The following PARD3 variants were observed in gnomAD, a reference collection of about 807,000 sequenced individuals.
The protein encoded by PARD3 is partitioning defective 3 homolog.
PARD3 carries 75 observed loss-of-function variants against 155.4 expected under a neutral mutation model. The observed-to-expected ratio is 0.48, with a 90% CI of 0.40 to 0.58. The LOEUF is 0.58. PARD3 is among the 20% of genes least tolerant of loss of function. The pLI, the probability that PARD3 is intolerant of heterozygous loss-of-function variation, is 0.00. For synonymous variants in PARD3, 576 were observed against 610.5 expected (o/e 0.94, Z 0.83); for missense variants, 1,642 against 1,721.7 (o/e 0.95, Z 0.82).
intron 22 of PARD3, among the ~76,000 whole-genome samples, chr10:34,231,266 CAAAAAA>C (rs57175956): frequency 0.027 from 2,201 of 81,878 alleles, 78 homozygotes; most frequent in African/African-American, 0.095. Flanking sequence ...TAATCTTAGG[CAAAAAA>C]AAAAAAAAAA....
chr10:34,578,987 A>G (rs2087142442), intron 2 of PARD3, among the ~76,000 whole-genome samples: 1 of 152,228 alleles, frequency 6.6e-6, no homozygotes, highest in Non-Finnish European at 1.5e-5. Context: ...AGAGAAAATT[A>G]TAAGGCTGCG....
At chr10:34,635,710 G>A (rs1331295811) in intron 2 of PARD3, among the ~76,000 whole-genome samples, 1 of 152,190 alleles carries the variant, frequency 6.6e-6, no homozygotes, top group Non-Finnish European at 1.5e-5. Flanking sequence ...AATCTTAAAG[G>A]ATGATGTAGG....
At chr10:34,341,046 C>T (rs1836762169) in intron 16 of PARD3, among the ~76,000 whole-genome samples, 1 of 152,050 alleles carries the variant, frequency 6.6e-6, no homozygotes, top group Admixed American at 6.5e-5. Flanking sequence ...CTTCATGAGC[C>T]ACACATTGGC....
intron 3 of PARD3, among the ~76,000 whole-genome samples, chr10:34,502,048 C>T: frequency 6.6e-6 from 1 of 152,152 alleles, no homozygotes; most frequent in East Asian, 1.9e-4. Context: ...GAAGGCAAGC[C>T]TTCACTAGAC....
At chr10:34,371,744 T>C (rs1398362922) in intron 12 of PARD3, among the ~76,000 whole-genome samples, 2 of 152,066 alleles carry the variant, frequency 1.3e-5, no homozygotes, top group Admixed American at 6.6e-5. Context: ...TGAGAATGAA[T>C]GTTTTTGTGC....
rs532769752 is a variant in PARD3 at position 34,368,596 on chromosome 10, C to CG, written c.1707+3901dup. ...CTGAGGCAGGAGAATAGTGTGAACC[C>CG]GGGGGGTGGAGCTTGCAGTGAGCCA... On this transcript the variant is annotated intron_variant, in intron 12 of 24. Coordinates refer to ENST00000374788, the MANE Select transcript of PARD3 (RefSeq NM_001184785.2). Among the ~76,000 whole-genome samples, 58 of 151,948 alleles carry CG rather than the reference C, an allele frequency of 3.8e-4. 1 individual carries two copies. Among genetic ancestry groups the CG allele is most frequent in the African/African-American group, 1.4e-3 (56 of 41,420 alleles).
At chr10:34,661,728 G>A (rs1363474362) in intron 2 of PARD3, among the ~76,000 whole-genome samples, 1 of 152,178 alleles carries the variant, frequency 6.6e-6, no homozygotes, top group East Asian at 1.9e-4. Flanking sequence ...TATAATTAAA[G>A]AATCACAAAG....
intron 22 of PARD3, among the ~76,000 whole-genome samples, chr10:34,172,772 C>A (rs72784186): frequency 2.3e-4 from 22 of 95,754 alleles, no homozygotes; most frequent in East Asian, 1.3e-3. Flanking sequence ...AAAAAAAAAA[C>A]CCACCCAAGC....
chr10:34,517,792 G>T (rs1269932379), intron 2 of PARD3, among the ~76,000 whole-genome samples: 3 of 152,176 alleles, frequency 2.0e-5, no homozygotes, highest in African/African-American at 7.2e-5. Context: ...GTCAGAAACA[G>T]AAGTTACAGA....
chr10:34,754,657 T>C (rs746585237), intron 1 of PARD3, among the ~76,000 whole-genome samples: 6 of 152,198 alleles, frequency 3.9e-5, no homozygotes, highest in Non-Finnish European at 8.8e-5. Flanking sequence ...TACTAACATG[T>C]AAAAATTCCA....
intron 1 of PARD3, among the ~76,000 whole-genome samples, chr10:34,704,520 C>A (rs1298462989): frequency 1.3e-5 from 2 of 152,108 alleles, no homozygotes; most frequent in Non-Finnish European, 2.9e-5. Flanking sequence ...GCATAGCACA[C>A]ATACGGTAGT....
At chr10:34,237,445 T>TA (rs1240847553) in intron 22 of PARD3, among the ~76,000 whole-genome samples, 1 of 152,222 alleles carries the variant, frequency 6.6e-6, no homozygotes, top group Non-Finnish European at 1.5e-5. Flanking sequence ...TGTACTTCTA[T>TA]ACGCACTGTA....
intron 2 of PARD3, among the ~76,000 whole-genome samples, chr10:34,535,841 A>C (rs2083190042): frequency 2.6e-5 from 4 of 152,084 alleles, no homozygotes; most frequent in Admixed American, 2.6e-4. Context: ...GTTAGGCTTT[A>C]AAAAGCCAAA....
intron 2 of PARD3, among the ~76,000 whole-genome samples, chr10:34,619,802 C>G (rs1252627759): frequency 6.6e-6 from 1 of 152,220 alleles, no homozygotes; most frequent in Non-Finnish European, 1.5e-5. Flanking sequence ...GAACTCCCTT[C>G]CTCCACAGGC....
chr10:34,450,478 G>C, intron 4 of PARD3, 30 bp from the exon 5 acceptor site: 1 of 1,592,782 alleles, frequency 6.3e-7, no homozygotes, highest in Non-Finnish European at 8.5e-7. Context: ...AAGGTGTCTT[G>C]TAAAAAACCA....
intron 2 of PARD3, among the ~76,000 whole-genome samples, chr10:34,616,930 CA>C (rs1171920434): frequency 0.053 from 4,717 of 89,232 alleles, 206 homozygotes; most frequent in African/African-American, 0.14. Context: ...GCACCTGTCT[CA>C]AAAAAAAAAA....
intron 2 of PARD3, among the ~76,000 whole-genome samples, chr10:34,621,695 G>A (rs1230656157): frequency 6.6e-6 from 1 of 152,270 alleles, no homozygotes; most frequent in Admixed American, 6.5e-5. Flanking sequence ...AAAGGAGCAT[G>A]GATATTGTTA....
intron 5 of PARD3, among the ~76,000 whole-genome samples, chr10:34,403,050 TGGA>T (rs1844064128): frequency 6.6e-6 from 1 of 152,218 alleles, no homozygotes; most frequent in Non-Finnish European, 1.5e-5. Context: ...AACACAATGA[TGGA>T]GGCATAGTCT....
intron 1 of PARD3, among the ~76,000 whole-genome samples, chr10:34,727,004 C>T (rs955671905): frequency 1.3e-5 from 2 of 152,152 alleles, no homozygotes; most frequent in Non-Finnish European, 2.9e-5. Context: ...AAAGCTCTGC[C>T]TATTCCCCAA....
Sources: allele counts gnomAD v4.1 joint callset (sites outside exome capture counted in the v4.1 genomes callset), GRCh38; gene constraint gnomAD v4.1.1; transcripts MANE v1.5; gene names NCBI Gene and HGNC (gene_info 2026-07-23, HGNC 2026-07-21).